RBFOX1: variants seen among roughly 807,000 people sequenced by gnomAD.
RBFOX1 encodes the protein RNA binding fox-1 homolog 1, also known as RNA binding protein fox-1 homolog 1.
Under a neutral mutation model 57.7 loss-of-function variants are expected in RBFOX1, and 8 were observed. That is an observed-to-expected ratio of 0.14 (90% CI 0.08 to 0.25). The LOEUF (loss-of-function observed/expected upper bound fraction) is 0.25, where lower values mean the gene tolerates loss of function less well. Among genes scored for constraint, RBFOX1 ranks in the 10% least tolerant of loss-of-function variants. The probability of loss-of-function intolerance (pLI) is 1.00; values close to 1 mark genes in which losing one functional copy is unlikely to be tolerated. For synonymous variants in RBFOX1, 326 were observed against 222.4 expected, an observed-to-expected ratio of 1.47 and a Z score of -4.15; for missense variants, 611 against 548.5, an observed-to-expected ratio of 1.11 and a Z score of -1.14.
chr16:5,391,900 C>T (rs971302670), intron 1 of RBFOX1, among the ~76,000 whole-genome samples: 1 of 151,136 alleles, frequency 6.6e-6, no homozygotes, highest in African/African-American at 2.4e-5. Flanking sequence ...TACACACACA[C>T]ACACACACGC....
At chr16:6,914,336 T>C (rs905700361) in intron 3 of RBFOX1, among the ~76,000 whole-genome samples, 1 of 152,156 alleles carries the variant, frequency 6.6e-6, no homozygotes, top group Non-Finnish European at 1.5e-5. Context: ...GTCCGGGGTG[T>C]CTGGGCTTAA....
Position 5,720,763 on chromosome 16 carries a change from T to C in RBFOX1, c.318+121802T>C, listed in dbSNP as rs1165128442. On this transcript the variant is annotated intron_variant, in intron 3 of 19. Coordinates refer to the RBFOX1 transcript ENST00000641259. The stretch of plus-strand genomic sequence containing the variant: ...TAAATAAAAGGATTTATTTATGGAC[T>C]CTCAGTTCTAGTCCATTAATCTGTA... Among the ~76,000 whole-genome samples, 40 of 152,246 alleles carry C rather than the reference T, an allele frequency of 2.6e-4. 2 individuals are homozygous for C. The highest frequency in any genetic ancestry group is 2.6e-3 in the Admixed American group (40 of 15,288).
chr16:5,490,669 G>C (rs1384404583), intron 2 of RBFOX1, among the ~76,000 whole-genome samples: 1 of 152,138 alleles, frequency 6.6e-6, no homozygotes, highest in Non-Finnish European at 1.5e-5. Context: ...CATCTCTGCA[G>C]ACCGCCCGGA....
intron 4 of RBFOX1, among the ~76,000 whole-genome samples, chr16:5,902,393 C>A (rs978320784): frequency 2.0e-5 from 3 of 152,034 alleles, no homozygotes; most frequent in Non-Finnish European, 4.4e-5. Context: ...AGAGATGTTC[C>A]TTAATTTAAT....
intron 2 of RBFOX1, among the ~76,000 whole-genome samples, chr16:5,585,476 C>T (rs181933675): frequency 3.9e-5 from 6 of 152,288 alleles, no homozygotes; most frequent in African/African-American, 9.6e-5. Context: ...AGACATGTGC[C>T]GTGGTCTGGA....
chr16:6,490,734 C>T (rs2095613532), intron 2 of RBFOX1, among the ~76,000 whole-genome samples: 1 of 152,150 alleles, frequency 6.6e-6, no homozygotes, highest in South Asian at 2.1e-4. Flanking sequence ...TGAGCTACCT[C>T]CTCCCAGCCT....
At chr16:6,000,463 G>A (rs1205908298) in intron 4 of RBFOX1, among the ~76,000 whole-genome samples, 1 of 152,158 alleles carries the variant, frequency 6.6e-6, no homozygotes, top group Non-Finnish European at 1.5e-5. Context: ...GAACACATCT[G>A]GAGAGTATAA....
At chr16:7,195,084 A>C (rs1369994032) in intron 4 of RBFOX1, among the ~76,000 whole-genome samples, 2 of 152,046 alleles carry the variant, frequency 1.3e-5, no homozygotes, top group East Asian at 3.9e-4. Context: ...TCTGAATTTT[A>C]ATAAAGAGCT....
At chr16:7,159,806 C>T (rs1383505813) in intron 4 of RBFOX1, among the ~76,000 whole-genome samples, 2 of 152,160 alleles carry the variant, frequency 1.3e-5, no homozygotes, top group Admixed American at 6.5e-5. Flanking sequence ...ACGCATACAT[C>T]CCACCTGTAC....
chr16:5,388,078 C>T (rs997011633), intron 1 of RBFOX1, among the ~76,000 whole-genome samples: 2 of 152,218 alleles, frequency 1.3e-5, no homozygotes, highest in African/African-American at 4.8e-5. Flanking sequence ...ACACAACCCT[C>T]CTGACACCTT....
At chr16:6,021,428 G>T in intron 1 of RBFOX1, among the ~76,000 whole-genome samples, 1 of 152,152 alleles carries the variant, frequency 6.6e-6, no homozygotes, top group Non-Finnish European at 1.5e-5. Flanking sequence ...GGAGCTACTG[G>T]CAGATTTATT....
chr16:5,382,521 T>C (rs2066156248), intron 1 of RBFOX1, among the ~76,000 whole-genome samples: 2 of 152,194 alleles, frequency 1.3e-5, no homozygotes, highest in Non-Finnish European at 2.9e-5. Flanking sequence ...GCCATTTCTG[T>C]AGCGTTCTGA....
chr16:7,092,818 A>C (rs2151152886), intron 4 of RBFOX1, among the ~76,000 whole-genome samples: 1 of 152,282 alleles, frequency 6.6e-6, no homozygotes, highest in African/African-American at 2.4e-5. Context: ...TTTTTTCTTC[A>C]AGTATTCTGT....
chr16:6,073,633 A>C (rs1029053526), intron 1 of RBFOX1, among the ~76,000 whole-genome samples: 25 of 152,204 alleles, frequency 1.6e-4, no homozygotes, highest in African/African-American at 5.3e-4. Flanking sequence ...AACATGTTAA[A>C]GGCTATTACA....
chr16:6,766,392 A>C (rs1317118146), intron 3 of RBFOX1, among the ~76,000 whole-genome samples: 2 of 152,022 alleles, frequency 1.3e-5, no homozygotes, highest in Non-Finnish European at 2.9e-5. Context: ...TGTAAATATT[A>C]TTATTGTCCC....
chr16:5,846,871 C>T (rs1184543263), intron 3 of RBFOX1, among the ~76,000 whole-genome samples: 1 of 152,208 alleles, frequency 6.6e-6, no homozygotes, highest in Non-Finnish European at 1.5e-5. Context: ...CGGAGAAGGA[C>T]ACATTTTGCA....
chr16:6,836,118 T>C (rs2093076080), intron 3 of RBFOX1, among the ~76,000 whole-genome samples: 1 of 152,190 alleles, frequency 6.6e-6, no homozygotes, highest in Admixed American at 6.5e-5. Context: ...CATGCATTCC[T>C]TTTCTACAAT....
At chr16:6,649,587 C>CCATA (rs1568040656) in intron 2 of RBFOX1, among the ~76,000 whole-genome samples, 1 of 152,202 alleles carries the variant, frequency 6.6e-6, no homozygotes, top group African/African-American at 2.4e-5. Flanking sequence ...CATCGCTTAG[C>CCATA]TCCCACTTAT....
chr16:6,452,174 C>G (rs772606454), intron 2 of RBFOX1, among the ~76,000 whole-genome samples: 13 of 150,440 alleles, frequency 8.6e-5, no homozygotes, highest in Non-Finnish European at 1.5e-4. Context: ...ATCCATGGAT[C>G]CTTCCTTCCA....
Sources: gnomAD v4.1 joint callset for allele counts (sites outside exome capture counted in the v4.1 genomes callset) on GRCh38, gnomAD v4.1.1 for gene constraint, MANE v1.5 for transcripts, NCBI Gene and HGNC (gene_info 2026-07-23, HGNC 2026-07-21) for gene names.